The following LRP1B variants were observed in gnomAD, a reference collection of about 807,000 sequenced individuals.
LRP1B encodes the protein low-density lipoprotein receptor-related protein 1B.
In LRP1B, 217 loss-of-function variants were observed where a neutral mutation model predicts 556.6. That is an observed-to-expected ratio of 0.39 (90% confidence interval 0.35 to 0.44). The LOEUF (loss-of-function observed/expected upper bound fraction) is 0.44. Among genes scored for constraint, LRP1B ranks in the 20% least tolerant of loss-of-function variants. LRP1B has a pLI of 1.00. For missense variants in LRP1B, 5,053 were observed against 5,620.8 expected, an observed-to-expected ratio of 0.90 and a Z score of 3.23; for synonymous variants, 2,047 against 1,865.8, an observed-to-expected ratio of 1.10 and a Z score of -2.50.
chr2:140,542,582 T>A (rs1680178256), intron 43 of LRP1B, among the ~76,000 whole-genome samples: 1 of 152,086 alleles, frequency 6.6e-6, no homozygotes, highest in Non-Finnish European at 1.5e-5. Context: ...TTCAACACAT[T>A]GCACATCAGG....
intron 13 of LRP1B, among the ~76,000 whole-genome samples, chr2:141,015,473 T>A (rs1697875083): frequency 1.3e-5 from 2 of 152,042 alleles, no homozygotes; most frequent in African/African-American, 4.8e-5. Flanking sequence ...CTTTTAGAAA[T>A]CCCACAAATC....
intron 1 of LRP1B, among the ~76,000 whole-genome samples, chr2:142,064,437 C>G (rs1705029375): frequency 6.6e-6 from 1 of 151,482 alleles, no homozygotes; most frequent in Non-Finnish European, 1.5e-5. Flanking sequence ...GAGAAAGGGT[C>G]ATTATTCTAG....
At chr2:140,440,832 C>T (rs915036231) in intron 66 of LRP1B, among the ~76,000 whole-genome samples, 1 of 151,800 alleles carries the variant, frequency 6.6e-6, no homozygotes, top group African/African-American at 2.4e-5. Flanking sequence ...CTACTGAAAA[C>T]ATTTAAATAT....
intron 84 of LRP1B, among the ~76,000 whole-genome samples, chr2:140,275,517 G>C (rs1231241421): frequency 6.6e-6 from 1 of 151,904 alleles, no homozygotes; most frequent in Non-Finnish European, 1.5e-5. Flanking sequence ...TCATACCCCT[G>C]CACCAGACTT....
chr2:140,316,735 G>GA lies in LRP1B; in HGVS notation c.12641-1637dup, dbSNP rs113572937. ...TGTATGACTAGTAAATAAGAAATGG[G>GA]AAAAAAAATATAAAATATAAAATTG... On this transcript the variant is annotated intron_variant, in intron 82 of 90. Coordinates refer to ENST00000389484, the MANE Select transcript of LRP1B (RefSeq NM_018557.3). 3.9e-3 allele frequency among the ~76,000 whole-genome samples: 588 copies of GA among 151,422 alleles called. 6 individuals carry two copies. Among genetic ancestry groups the GA allele is most frequent in the African/African-American group, 0.013 (548 of 41,306 alleles).
intron 1 of LRP1B, among the ~76,000 whole-genome samples, chr2:141,987,342 A>G (rs1702222745): frequency 6.6e-6 from 1 of 151,904 alleles, no homozygotes; most frequent in Non-Finnish European, 1.5e-5. Flanking sequence ...GTGTTCTCCT[A>G]ATGTGGTGTT....
chr2:140,584,601 T>C (rs1192644177), intron 43 of LRP1B, among the ~76,000 whole-genome samples: 2 of 152,114 alleles, frequency 1.3e-5, no homozygotes, highest in Non-Finnish European at 2.9e-5. Flanking sequence ...CACCAGTTAT[T>C]TTCTGGATGA....
intron 87 of LRP1B, among the ~76,000 whole-genome samples, chr2:140,240,056 A>G (rs903256157): frequency 2.0e-5 from 3 of 150,900 alleles, no homozygotes; most frequent in African/African-American, 7.3e-5. Flanking sequence ...TATTGGTTTC[A>G]CAACTTACTT....
chr2:141,792,522 A>G (rs190909490), intron 2 of LRP1B, among the ~76,000 whole-genome samples: 1 of 152,172 alleles, frequency 6.6e-6, no homozygotes, highest in East Asian at 1.9e-4. Flanking sequence ...GTTGTATAGT[A>G]TAGTTTGACT....
intron 21 of LRP1B, among the ~76,000 whole-genome samples, chr2:140,921,905 A>G (rs948897066): frequency 6.9e-6 from 1 of 144,122 alleles, no homozygotes; most frequent in Non-Finnish European, 1.5e-5. Flanking sequence ...GTGTTTTCTT[A>G]CACCTTTTAC....
At chr2:140,405,776 G>T (rs1406604371) in intron 66 of LRP1B, among the ~76,000 whole-genome samples, 1 of 152,072 alleles carries the variant, frequency 6.6e-6, no homozygotes, top group Non-Finnish European at 1.5e-5. Flanking sequence ...ATTCAAAGAA[G>T]AATTTGTACC....
chr2:140,317,819 G>A (rs374602502), intron 82 of LRP1B, among the ~76,000 whole-genome samples: 88 of 152,086 alleles, frequency 5.8e-4, no homozygotes, highest in African/African-American at 9.6e-4. Context: ...TAGGGCATGC[G>A]CGTTACTATA....
intron 2 of LRP1B, among the ~76,000 whole-genome samples, chr2:141,549,292 A>G (rs900135282): frequency 6.6e-6 from 1 of 152,180 alleles, no homozygotes; most frequent in Non-Finnish European, 1.5e-5. Flanking sequence ...AAGACATTGC[A>G]CATAAGGCCT....
At chr2:141,638,200 T>TA (rs1689171546) in intron 2 of LRP1B, among the ~76,000 whole-genome samples, 3 of 151,780 alleles carry the variant, frequency 2.0e-5, no homozygotes, top group South Asian at 2.1e-4. Flanking sequence ...GAAAAAAAAC[T>TA]AAAAAAGAAT....
intron 2 of LRP1B, among the ~76,000 whole-genome samples, chr2:141,640,280 T>G (rs974512414): frequency 6.6e-6 from 1 of 152,190 alleles, no homozygotes; most frequent in South Asian, 2.1e-4. Flanking sequence ...ATGATTACTT[T>G]TATTTTGAAT....
intron 3 of LRP1B, among the ~76,000 whole-genome samples, chr2:141,460,540 T>A (rs1366414242): frequency 6.6e-6 from 1 of 152,162 alleles, no homozygotes; most frequent in African/African-American, 2.4e-5. Context: ...GGGTAAGTTT[T>A]AAATAAAGTA....
At chr2:140,968,648 A>C (rs1219182611) in intron 18 of LRP1B, among the ~76,000 whole-genome samples, 5 of 151,772 alleles carry the variant, frequency 3.3e-5, no homozygotes, top group Admixed American at 6.6e-5. Flanking sequence ...ATCTTTCCTG[A>C]TTTCTCTTGT....
intron 7 of LRP1B, among the ~76,000 whole-genome samples, chr2:141,166,696 T>G (rs2105127984): frequency 6.6e-6 from 1 of 151,904 alleles, no homozygotes; most frequent in East Asian, 1.9e-4. Context: ...CTATCATTCT[T>G]GACGATAACA....
intron 2 of LRP1B, among the ~76,000 whole-genome samples, chr2:141,737,855 T>C (rs1437337): frequency 0.14 from 20,659 of 152,142 alleles, 1,706 homozygotes; most frequent in South Asian, 0.28. Flanking sequence ...GGAACACCTA[T>C]CTTAAAATCT....
Sources: gnomAD v4.1 joint callset for allele counts (sites outside exome capture counted in the v4.1 genomes callset) on GRCh38, gnomAD v4.1.1 for gene constraint, MANE v1.5 for transcripts, NCBI Gene and HGNC (gene_info 2026-07-23, HGNC 2026-07-21) for gene names.